ATMIN: variants seen among roughly 807,000 people sequenced by gnomAD.
The protein encoded by ATMIN is ATM INteracting protein.
ATMIN carries 24 observed loss-of-function variants against 49.2 expected under a neutral mutation model. The observed-to-expected ratio is 0.49, with a 90% CI of 0.35 to 0.69. ATMIN has a LOEUF of 0.69. ATMIN is among the 30% of genes least tolerant of loss of function. ATMIN has a pLI of 0.00. For synonymous variants in ATMIN, 450 were observed against 392.5 expected (o/e 1.15, Z -1.73); for missense variants, 1,037 against 1,005.5 (o/e 1.03, Z -0.42).
At chr16:81,036,907 A>C (rs887291716) in intron 1 of ATMIN, among the ~76,000 whole-genome samples, 2 of 152,218 alleles carry the variant, frequency 1.3e-5, no homozygotes, top group Non-Finnish European at 2.9e-5. Context: ...GTTTGCCTCT[A>C]AACACCATCA....
In ATMIN at chr16:81,046,552, G is replaced by A. The variant is rs745433493; in HGVS notation, c.*1582G>A. Reference sequence around the variant, plus strand: ...TTTGTGTGTTTTGAGGTAGGAGCATGATCAAGTATGCTTTGGGGATTTTCT... The same window carrying A: ...TTTGTGTGTTTTGAGGTAGGAGCATAATCAAGTATGCTTTGGGGATTTTCT... On this transcript the variant is annotated 3_prime_UTR_variant, in exon 4 of 4. Coordinates refer to ENST00000299575, the MANE Select transcript of ATMIN (RefSeq NM_015251.3). The A allele has an allele frequency of 6.6e-6, 1 of 152,090 alleles. No homozygotes were observed. The highest frequency in any genetic ancestry group is 2.1e-4 in the South Asian group (1 of 4,822). 9.4% of individuals were successfully genotyped at this position (152,090 alleles called of 1,614,324 possible).
Position 81,044,973 on chromosome 16 carries a change from CTA to C in ATMIN, c.*4_*5del, listed in dbSNP as rs778262525. ...CACACACAGTCTCCAACTTCTAAAA[CTA>C]ACGGTGGAGTCCATGTGTGAAATGG... On this transcript the variant is annotated 3_prime_UTR_variant, in exon 4 of 4. Transcript: ENST00000299575. 1.7e-5 allele frequency: 28 copies of C among 1,608,770 alleles called. No individual in the cohort carries two copies. The highest frequency in any genetic ancestry group is 2.4e-5 in the Non-Finnish European group (28 of 1,176,312).
chr16:81,043,855 C>G lies in ATMIN; in HGVS notation c.1357C>G (p.Leu453Val). Residue 453 changes from leucine to valine, a missense_variant, in exon 4 of 4, where the codon CTT (leucine) becomes GTT (valine). Transcript: ENST00000299575. The stretch of plus-strand genomic sequence containing the variant: ...TTTGTCGTTTGATTCTCAAGTGTCT[C>G]TTCCCATTAGTGTTCACACTCAGAC... ...TDLSFDSQVS[L>V]PISVHTQTFL... The G allele has an allele frequency of 3.1e-6, 5 of 1,614,134 alleles. No individual in the cohort carries two copies. Among genetic ancestry groups the G allele is most frequent in the East Asian group, 2.2e-5 (1 of 44,888 alleles).
chr16:81,036,214 C>A lies in ATMIN; in HGVS notation c.336+8C>A. The A allele has an allele frequency of 7.1e-7, 1 of 1,409,754 alleles. No homozygotes were observed. Among genetic ancestry groups the A allele is most frequent in the Non-Finnish European group, 9.3e-7 (1 of 1,072,948 alleles). 87.3% of individuals were successfully genotyped at this position (1,409,754 alleles called of 1,614,324 possible). On this transcript the variant is annotated splice_region_variant and intron_variant, in intron 1 of 3. Transcript: ENST00000299575. Reference sequence around the variant, plus strand: ...AAGAGCCACCGCCTGCAGGTGAGCCCGACGCGGCCGGCGGCCCGGGGGGCC... The same window carrying A: ...AAGAGCCACCGCCTGCAGGTGAGCCAGACGCGGCCGGCGGCCCGGGGGGCC...
In ATMIN at chr16:81,035,876, G is replaced by A. The variant is rs1017177709; in HGVS notation, c.6G>A (p.Ala2=). The change falls in exon 1 of 4, where the codon GCG becomes GCA. Residue 2 remains alanine, a synonymous_variant. Coordinates refer to ENST00000299575, the MANE Select transcript of ATMIN (RefSeq NM_015251.3). M[A]ASEAAAAAGS... is the part of the protein sequence containing the mutation. Reference sequence around the variant, plus strand: ...CGGGCGGCCGTGCGGGAGCCATGGCGGCCTCGGAGGCGGCGGCGGCGGCGG... The same window carrying A: ...CGGGCGGCCGTGCGGGAGCCATGGCAGCCTCGGAGGCGGCGGCGGCGGCGG... 9 of 932,348 alleles carry A rather than the reference G, an allele frequency of 9.7e-6. No homozygotes were observed. The highest frequency in any genetic ancestry group is 1.1e-5 in the Non-Finnish European group (9 of 783,680). The allele number at this position is 932,348 out of a possible 1,614,324, so 57.8% of individuals were successfully genotyped here.
At position 81,046,744 on chromosome 16, in the gene ATMIN, A is replaced by G. The variant is rs1971129110; in HGVS notation, c.*1774A>G. On this transcript the variant is annotated 3_prime_UTR_variant, in exon 4 of 4. Coordinates refer to ENST00000299575, the MANE Select transcript of ATMIN (RefSeq NM_015251.3). Reference sequence around the variant, plus strand: ...TGTATTACTGAAAGCTAAATCCTCAAAACCTAGTAAGGGGACTAATGATTC... The same window carrying G: ...TGTATTACTGAAAGCTAAATCCTCAGAACCTAGTAAGGGGACTAATGATTC... 1 of 152,360 alleles carries G rather than the reference A, an allele frequency of 6.6e-6. No individual in the cohort carries two copies. Among genetic ancestry groups the G allele is most frequent in the Non-Finnish European group, 1.5e-5 (1 of 68,056 alleles). 9.4% of individuals were successfully genotyped at this position (152,360 alleles called of 1,614,324 possible).
In ATMIN at chr16:81,041,425, G is replaced by T. The variant is rs748337204; in HGVS notation, c.406G>T (p.Glu136Ter). The T allele has an allele frequency of 6.2e-7, 1 of 1,614,046 alleles. No homozygotes were observed. The highest frequency in any genetic ancestry group is 8.5e-7 in the Non-Finnish European group (1 of 1,179,994). ...ACCGAAATTCTACTGCTGTCCAATTGAAGGCTGCCCCAGAGGCCCTGAGAG... is the reference window on the plus strand; with the variant it reads ...ACCGAAATTCTACTGCTGTCCAATTTAAGGCTGCCCCAGAGGCCCTGAGAG... Reference protein sequence around the residue: ...TGPKFYCCPIEGCPRGPERPF... With the variant: ...TGPKFYCCPI Residue 136 changes from glutamate (E) to a stop codon, truncating the protein, a stop_gained, in exon 2 of 4, where the codon GAA (glutamate) becomes TAA (stop). Transcript: ENST00000299575. LOFTEE classifies it high-confidence loss of function.
chr16:81,042,336 C>T lies in ATMIN; in HGVS notation c.518C>T (p.Ser173Leu), dbSNP rs199541307. ...CACAAATGTAGTAAGTGCAGCAATT[C>T]GTACGGTACAGAATGGGACCTGAAA... ...KKHKCSKCSN[S>L]YGTEWDLKRH... is the part of the protein sequence containing the mutation. The change falls in exon 3 of 4, where the codon TCG becomes TTG. Residue 173 changes from serine (S) to leucine (L), a missense_variant. Coordinates refer to ENST00000299575, the MANE Select transcript of ATMIN (RefSeq NM_015251.3). The T allele has an allele frequency of 3.8e-5, 62 of 1,614,088 alleles. No homozygotes were observed. In the Admixed American group the frequency reaches 4.0e-4, roughly 10 times the overall value.
rs1175440621 is a variant in ATMIN at position 81,046,223 on chromosome 16, A to G, written c.*1253A>G. ...GTCACTCTAAAATTAAACAAGAAAA[A>G]AAGTGGGAAAAGGGCATCCCCCATT... On this transcript the variant is annotated 3_prime_UTR_variant, in exon 4 of 4. Transcript: ENST00000299575. 4 of 152,126 alleles carry G rather than the reference A, an allele frequency of 2.6e-5. No individual in the cohort carries two copies. Among genetic ancestry groups the G allele is most frequent in the Non-Finnish European group, 5.9e-5 (4 of 68,028 alleles). 9.4% of individuals were successfully genotyped at this position (152,126 alleles called of 1,614,324 possible). A position where few individuals can be genotyped will look rare whatever the true frequency, so the allele number is the denominator to read the frequency against.
At chr16:81,041,634 T>C (rs2151739429) in intron 2 of ATMIN, 153 bp downstream of exon 2, 1 of 949,454 alleles carries the variant, frequency 1.1e-6, no homozygotes, top group Non-Finnish European at 1.6e-6. Flanking sequence ...AGTATGCTGT[T>C]ACACAAGTGG....
chr16:81,041,610 T>G, intron 2 of ATMIN, 129 bp downstream of exon 2: 1 of 1,246,372 alleles, frequency 8.0e-7, no homozygotes, highest in South Asian at 1.5e-5. Context: ...TGTCTCCCAG[T>G]TGGTATAAAC....
chr16:81,037,630 T>A (rs767672260), intron 1 of ATMIN: 1 of 513,268 alleles, frequency 1.9e-6, no homozygotes, highest in Non-Finnish European at 2.5e-6. Flanking sequence ...TCCCTATTGT[T>A]TTTGTGTTTT....
chr16:81,036,167 CG>C lies in ATMIN; in HGVS notation c.298del (p.Ala100ArgfsTer6). On this transcript the variant is annotated frameshift_variant, in exon 1 of 4. Coordinates refer to ENST00000299575, the MANE Select transcript of ATMIN (RefSeq NM_015251.3). LOFTEE classifies it high-confidence loss of function. ...GCGGCAAGATCCTGCCCAACAGCCC[CG>C]CGCTCAACATGCACCTAGTCAAGAG... ...GCGKILPNSP[A>X]LNMHLVKSHR... 2 of 1,475,356 alleles carry C rather than the reference CG, an allele frequency of 1.4e-6. No individual in the cohort carries two copies. Among genetic ancestry groups the C allele is most frequent in the Non-Finnish European group, 1.8e-6 (2 of 1,107,928 alleles). 91.4% of individuals were successfully genotyped at this position (1,475,356 alleles called of 1,614,324 possible).
In ATMIN at chr16:81,044,455, G is replaced by A; in HGVS notation, c.1957G>A (p.Glu653Lys). The change falls in exon 4 of 4, where the codon GAG (glutamate) becomes AAG (lysine). Residue 653 changes from glutamate to lysine, a missense_variant. Physicochemically the swap from Glu to Lys is moderately conservative, Grantham distance 56. Coordinates refer to ENST00000299575, the MANE Select transcript of ATMIN (RefSeq NM_015251.3). ...CTCAAATATCCAGACTCAAACTGAA[G>A]AGAGTGAACTTAGCACCATGACCAC... ...SASNIQTQTE[E>K]SELSTMTTEP... The A allele has an allele frequency of 6.2e-7, 1 of 1,614,106 alleles. No homozygotes were observed. The highest frequency in any genetic ancestry group is 2.2e-5 in the East Asian group (1 of 44,872).
intron 1 of ATMIN, among the ~76,000 whole-genome samples, chr16:81,039,956 A>T (rs140338560): frequency 1.5e-3 from 221 of 152,356 alleles, no homozygotes; most frequent in African/African-American, 5.1e-3. Context: ...CTCGGAAGGC[A>T]GTCAGGTGGT....
chr16:81,044,085 A>C lies in ATMIN; in HGVS notation c.1587A>C (p.Thr529=). Residue 529 remains threonine (T), a synonymous_variant, in exon 4 of 4, where the codon ACA becomes ACC. Transcript: ENST00000299575. ...ESVHSSYNVA[T]GNIISNSLVA... is the part of the protein sequence containing the mutation. ...TTCATTCATCATATAATGTTGCTAC[A>C]GGTAACATTATAAGCAACAGTTTAG... 1 of 1,614,172 alleles carries C rather than the reference A, an allele frequency of 6.2e-7. No individual in the cohort carries two copies. The highest frequency in any genetic ancestry group is 8.5e-7 in the Non-Finnish European group (1 of 1,179,990).
rs369180595 is a variant in ATMIN, at chr16:81,043,686, A to G, written c.1188A>G (p.Leu396=). The G allele has an allele frequency of 6.8e-6, 11 of 1,614,112 alleles. No individual in the cohort carries two copies. The highest frequency in any genetic ancestry group is 1.7e-5 in the Admixed American group (1 of 60,002). ...TTGGTAAAAGTCCATCTAATCCTTT[A>G]CAAGAACTAGGGAACACGTGTCAAA... ...VNFGKSPSNP[L]QELGNTCQKN... is the part of the protein sequence containing the mutation. The change falls in exon 4 of 4, where the codon TTA becomes TTG. Residue 396 remains leucine, a synonymous_variant. Transcript: ENST00000299575.
At chr16:81,040,840 A>T (rs1971025106) in intron 1 of ATMIN, 1 of 155,728 alleles carries the variant, frequency 6.4e-6, no homozygotes, top group Non-Finnish European at 1.4e-5. Context: ...TCTAGAAATT[A>T]GATTGAGGCT....
At chr16:81,037,307 TAGTC>T in intron 1 of ATMIN, 2 of 985,482 alleles carry the variant, frequency 2.0e-6, no homozygotes, top group Non-Finnish European at 2.4e-6. Context: ...TGTCTGCCCA[TAGTC>T]AGGCTTCTGA....
Sources: allele counts gnomAD v4.1 joint callset (sites outside exome capture counted in the v4.1 genomes callset), GRCh38; gene constraint gnomAD v4.1.1; transcripts MANE v1.5; gene names NCBI Gene and HGNC (gene_info 2026-07-23, HGNC 2026-07-21).